Variants in TOX observed in about 807,000 individuals in gnomAD.
TOX encodes thymocyte selection-associated high mobility group box protein TOX.
A neutral mutation model predicts 53.7 loss-of-function variants in TOX; 11 were observed. The ratio of observed to expected loss-of-function variants is 0.20; its 90% CI spans 0.13 to 0.34. TOX has a LOEUF of 0.34. Among genes scored for constraint, TOX ranks in the 10% least tolerant of loss-of-function variants. The probability of loss-of-function intolerance (pLI) is 1.00; values close to 1 mark genes in which losing one functional copy is unlikely to be tolerated. For synonymous variants in TOX, 225 were observed against 245.3 expected (o/e 0.92, Z 0.77); for missense variants, 570 against 664.6 (o/e 0.86, Z 1.56).
At chr8:58,894,852 C>T (rs7826909) in intron 3 of TOX, among the ~76,000 whole-genome samples, 79 of 151,944 alleles carry the variant, frequency 5.2e-4, no homozygotes, top group Middle Eastern at 3.4e-3. Flanking sequence ...GCCGAGATCG[C>T]GCCACTGCAC....
rs965970408 is a variant in TOX, at chr8:58,806,832, T to A, written c.*915A>T. 7 of 152,504 alleles carry A rather than the reference T, an allele frequency of 4.6e-5. No homozygotes were observed. The highest frequency in any genetic ancestry group is 1.4e-4 in the African/African-American group (6 of 41,432). 9.4% of individuals were successfully genotyped at this position (152,504 alleles called of 1,614,324 possible). A position where few individuals can be genotyped will look rare whatever the true frequency, so the allele number is the denominator to read the frequency against. The stretch of plus-strand genomic sequence containing the variant: ...TTATTTCATAAATAGGCGCAACAGG[T>A]TCCATAAAAAAAGATTAAATACAGA... On this transcript the variant is annotated 3_prime_UTR_variant, in exon 9 of 9. Transcript: ENST00000361421.
intron 1 of TOX, among the ~76,000 whole-genome samples, chr8:59,043,580 G>A (rs1214283382): frequency 6.6e-6 from 1 of 152,102 alleles, no homozygotes; most frequent in Non-Finnish European, 1.5e-5. Context: ...TATAGAAAAG[G>A]TGTTCCATAG....
chr8:58,873,831 G>T (rs1811235743), intron 3 of TOX, among the ~76,000 whole-genome samples: 1 of 151,788 alleles, frequency 6.6e-6, no homozygotes, highest in Admixed American at 6.6e-5. Context: ...CTGTCCAGTT[G>T]CCAGAGATTC....
At chr8:59,023,441 G>C (rs1814175084) in intron 1 of TOX, among the ~76,000 whole-genome samples, 1 of 138,662 alleles carries the variant, frequency 7.2e-6, no homozygotes, top group African/African-American at 2.7e-5. Context: ...TTTACAGTTG[G>C]AGAAGGCAAC....
chr8:58,913,696 T>C (rs541601764), intron 3 of TOX, among the ~76,000 whole-genome samples: 1 of 152,324 alleles, frequency 6.6e-6, no homozygotes, highest in South Asian at 2.1e-4. Flanking sequence ...TTGAAGCTAG[T>C]AGATGCTTAA....
At chr8:58,869,754 T>G (rs1022037820) in intron 3 of TOX, among the ~76,000 whole-genome samples, 1 of 152,076 alleles carries the variant, frequency 6.6e-6, no homozygotes, top group Non-Finnish European at 1.5e-5. Context: ...AATCTAACAA[T>G]GTATTACAAC....
In TOX at chr8:58,972,894, G is replaced by A. The variant is rs75534303; in HGVS notation, c.103-12886C>T. ...AGATAATATTGCTTAAAATACCTTC[G>A]GAACAGTTCTGAGCAGAATGTGCAC... On this transcript the variant is annotated intron_variant, in intron 1 of 8. Coordinates refer to ENST00000361421, the MANE Select transcript of TOX (RefSeq NM_014729.3). Among the ~76,000 whole-genome samples, 7 of 152,110 alleles carry A rather than the reference G, an allele frequency of 4.6e-5. No individual in the cohort carries two copies. In the East Asian group the frequency reaches 5.8e-4, roughly 13 times the overall value.
intron 3 of TOX, among the ~76,000 whole-genome samples, chr8:58,879,792 A>G (rs1811352315): frequency 6.6e-6 from 1 of 152,186 alleles, no homozygotes; most frequent in African/African-American, 2.4e-5. Flanking sequence ...GCTCTACTGG[A>G]TGGATCTATG....
intron 1 of TOX, among the ~76,000 whole-genome samples, chr8:59,044,646 T>C (rs1214589204): frequency 6.6e-6 from 1 of 152,222 alleles, no homozygotes; most frequent in Non-Finnish European, 1.5e-5. Flanking sequence ...TTTAAAAAAA[T>C]CTAAATCTCT....
chr8:59,022,290 T>C (rs1255560272), intron 1 of TOX, among the ~76,000 whole-genome samples: 2 of 152,162 alleles, frequency 1.3e-5, no homozygotes, highest in African/African-American at 4.8e-5. Context: ...TTCATTTCAG[T>C]CACCCACAAT....
chr8:59,054,194 T>C, intron 1 of TOX, among the ~76,000 whole-genome samples: 1 of 152,348 alleles, frequency 6.6e-6, no homozygotes, highest in African/African-American at 2.4e-5. Flanking sequence ...AATGCTTACG[T>C]TATAATATCA....
intron 6 of TOX, among the ~76,000 whole-genome samples, chr8:58,822,016 T>A (rs1202268885): frequency 6.6e-6 from 1 of 152,192 alleles, no homozygotes; most frequent in African/African-American, 2.4e-5. Flanking sequence ...TTCCTGTGAT[T>A]CCATATGAAA....
chr8:59,104,198 C>A (rs567698830), intron 1 of TOX, among the ~76,000 whole-genome samples: 1 of 152,170 alleles, frequency 6.6e-6, no homozygotes, highest in Non-Finnish European at 1.5e-5. Flanking sequence ...CCCCAACTTT[C>A]CCCAGCACAT....
intron 1 of TOX, among the ~76,000 whole-genome samples, chr8:59,045,349 G>A (rs1474828535): frequency 6.6e-6 from 1 of 152,130 alleles, no homozygotes; most frequent in East Asian, 1.9e-4. Flanking sequence ...TTATGTGATG[G>A]TGGTAATAAA....
At chr8:58,832,148 AATATATAATATATGTAATATATGTAAT>A (rs1810468567) in intron 5 of TOX, among the ~76,000 whole-genome samples, 1 of 133,286 alleles carries the variant, frequency 7.5e-6, no homozygotes, top group South Asian at 2.4e-4. Flanking sequence ...TAATATATGT[AATATATAATATATGTAATATATGTAAT>A]ATATATATAA....
intron 1 of TOX, among the ~76,000 whole-genome samples, chr8:58,985,170 T>C (rs1813303735): frequency 6.6e-6 from 1 of 150,848 alleles, no homozygotes; most frequent in Non-Finnish European, 1.5e-5. Flanking sequence ...ATCTATATAA[T>C]ATACATATAT....
At chr8:58,862,822 T>C (rs1428391498) in intron 3 of TOX, among the ~76,000 whole-genome samples, 1 of 152,126 alleles carries the variant, frequency 6.6e-6, no homozygotes, top group Non-Finnish European at 1.5e-5. Context: ...TAAAACTCTA[T>C]CCTGTAACTT....
intron 1 of TOX, among the ~76,000 whole-genome samples, chr8:59,064,028 T>A (rs976567938): frequency 6.6e-6 from 1 of 152,010 alleles, no homozygotes; most frequent in Non-Finnish European, 1.5e-5. Flanking sequence ...GGAAATGACA[T>A]AGGTTTAAAG....
chr8:59,019,409 T>C (rs1814078483), intron 1 of TOX, among the ~76,000 whole-genome samples: 1 of 152,218 alleles, frequency 6.6e-6, no homozygotes, highest in South Asian at 2.1e-4. Context: ...TACAGAACCT[T>C]TAATGTCCCA....
Sources: gnomAD v4.1 joint callset for allele counts (sites outside exome capture counted in the v4.1 genomes callset) on GRCh38, gnomAD v4.1.1 for gene constraint, MANE v1.5 for transcripts, NCBI Gene and HGNC (gene_info 2026-07-23, HGNC 2026-07-21) for gene names.